CLNK: variants seen among roughly 807,000 people sequenced by gnomAD.
CLNK encodes cytokine dependent hematopoietic cell linker.
Under a neutral mutation model 68.6 loss-of-function variants are expected in CLNK, and 74 were observed. The ratio of observed to expected loss-of-function variants is 1.08; its 90% CI spans 0.89 to 1.31. CLNK has a LOEUF of 1.31. CLNK is among the 50% of genes most tolerant of loss of function. The pLI is 0.00. For synonymous variants in CLNK, 198 were observed against 172.2 expected (o/e 1.15, Z -1.17); for missense variants, 553 against 515.3 (o/e 1.07, Z -0.71).
At chr4:10,515,465 T>C (rs1264834893) in intron 15 of CLNK, among the ~76,000 whole-genome samples, 11 of 152,058 alleles carry the variant, frequency 7.2e-5, no homozygotes, top group Admixed American at 7.2e-4. Flanking sequence ...TTTTTTCAAC[T>C]TGAAAGAATA....
chr4:10,687,161 C>T (rs1264089609), upstream of CLNK, among the ~76,000 whole-genome samples: 2 of 151,186 alleles, frequency 1.3e-5, no homozygotes, highest in Admixed American at 6.6e-5. Context: ...CATCCTCTAC[C>T]TACTACTATC....
At chr4:10,586,394 C>A (rs973904160) in intron 3 of CLNK, among the ~76,000 whole-genome samples, 1 of 139,438 alleles carries the variant, frequency 7.2e-6, no homozygotes, top group Non-Finnish European at 1.5e-5. Flanking sequence ...TGCAGTGGTA[C>A]GATCTCTCCT....
chr4:10,691,738 T>C, the CLNK span, among the ~76,000 whole-genome samples: 2 of 152,196 alleles, frequency 1.3e-5, no homozygotes, highest in African/African-American at 4.8e-5. Context: ...GGTCTCCAAA[T>C]TGGCAGGACA....
At chr4:10,603,878 A>T (rs1721687473) in intron 2 of CLNK, among the ~76,000 whole-genome samples, 1 of 151,976 alleles carries the variant, frequency 6.6e-6, no homozygotes, top group African/African-American at 2.4e-5. Flanking sequence ...TTGGATTCTG[A>T]CTCTTTTATT....
chr4:10,543,291 C>T, intron 8 of CLNK, among the ~76,000 whole-genome samples: 1 of 152,172 alleles, frequency 6.6e-6, no homozygotes, highest in Non-Finnish European at 1.5e-5. Context: ...GTTTGATTAT[C>T]TCTAAAAATG....
the CLNK span, among the ~76,000 whole-genome samples, chr4:10,724,607 C>T: frequency 0.43 from 64,939 of 151,522 alleles, 14,733 homozygotes; most frequent in East Asian, 0.58. Context: ...TGTCCAAGGT[C>T]GTGTGAATAA....
intron 17 of CLNK, among the ~76,000 whole-genome samples, chr4:10,505,068 T>G (rs1427698352): frequency 6.6e-6 from 1 of 151,926 alleles, no homozygotes; most frequent in Non-Finnish European, 1.5e-5. Context: ...CTACTAAGAG[T>G]AGTTCTTCCG....
At chr4:10,621,753 T>A (rs562693445) in intron 2 of CLNK, among the ~76,000 whole-genome samples, 1 of 152,354 alleles carries the variant, frequency 6.6e-6, no homozygotes, top group Admixed American at 6.5e-5. Flanking sequence ...GTCTGGGGCC[T>A]GTGGCTTCTC....
At chr4:10,652,136 T>A (rs954430201) in intron 2 of CLNK, among the ~76,000 whole-genome samples, 3 of 152,018 alleles carry the variant, frequency 2.0e-5, no homozygotes, top group Admixed American at 1.3e-4. Flanking sequence ...ATCCCAGCAC[T>A]TTGGGAGGCC....
At chr4:10,598,606 A>G (rs1413806272) in intron 2 of CLNK, 4 of 406,654 alleles carry the variant, frequency 9.8e-6, no homozygotes, top group African/African-American at 6.2e-5. Context: ...CTCCCATATC[A>G]TTTAGGCACT....
intron 8 of CLNK, among the ~76,000 whole-genome samples, chr4:10,553,090 A>G (rs528487747): frequency 1.3e-5 from 2 of 152,308 alleles, no homozygotes; most frequent in South Asian, 4.2e-4. Flanking sequence ...TACGTTCACA[A>G]GCTGTCTGTA....
intron 17 of CLNK, among the ~76,000 whole-genome samples, chr4:10,507,407 G>A (rs1361560889): frequency 2.0e-5 from 3 of 151,628 alleles, no homozygotes; most frequent in Admixed American, 1.3e-4. Context: ...TGCCGCATCC[G>A]GTCCTCTCCA....
chr4:10,591,197 C>T (rs1174936736), intron 3 of CLNK, among the ~76,000 whole-genome samples: 1 of 152,108 alleles, frequency 6.6e-6, no homozygotes, highest in African/African-American at 2.4e-5. Context: ...AACTGTGTCT[C>T]ACAGAGGTAA....
the CLNK span, among the ~76,000 whole-genome samples, chr4:10,705,067 T>C: frequency 2.0e-5 from 3 of 152,136 alleles, no homozygotes; most frequent in African/African-American, 2.4e-5. Flanking sequence ...GTTTTGGAAG[T>C]AGGCAACAGT....
Position 10,513,517 on chromosome 4 carries a change from G to T in CLNK, c.853C>A (p.Pro285Thr). ...ASCSPHENIL[P>T]YKYTSWRPPF... ...GGTCTCCAGCTTGTGTATTTATAGGGCAGTATATTTTCGTGAGGGCTGCAG... is the reference window on the plus strand; with the variant it reads ...GGTCTCCAGCTTGTGTATTTATAGGTCAGTATATTTTCGTGAGGGCTGCAG... Residue 285 changes from proline (P) to threonine (T), a missense_variant, in exon 16 of 19, where the codon CCC becomes ACC. Coordinates refer to ENST00000226951, the MANE Select transcript of CLNK (RefSeq NM_052964.4). 6.2e-7 allele frequency: 1 copy of T among 1,611,886 alleles called. No individual in the cohort carries two copies. Among genetic ancestry groups the T allele is most frequent in the Non-Finnish European group, 8.5e-7 (1 of 1,179,018 alleles).
chr4:10,506,389 G>A (rs556283562), intron 17 of CLNK, among the ~76,000 whole-genome samples: 12 of 152,248 alleles, frequency 7.9e-5, no homozygotes, highest in African/African-American at 2.6e-4. Context: ...GGCAGCCTGG[G>A]TTTATCCACC....
chr4:10,702,989 A>T, the CLNK span, among the ~76,000 whole-genome samples: 1 of 152,210 alleles, frequency 6.6e-6, no homozygotes, highest in Non-Finnish European at 1.5e-5. Flanking sequence ...GAGGAACTCC[A>T]GTGGAAGTGT....
intron 4 of CLNK, among the ~76,000 whole-genome samples, chr4:10,583,550 G>T (rs1211719858): frequency 6.6e-6 from 1 of 152,178 alleles, no homozygotes; most frequent in Non-Finnish European, 1.5e-5. Context: ...CTCCCAAAGT[G>T]CTGGGACTAC....
At chr4:10,510,555 A>G (rs139945841) in intron 16 of CLNK, among the ~76,000 whole-genome samples, 243 of 152,328 alleles carry the variant, frequency 1.6e-3, no homozygotes, top group Middle Eastern at 3.4e-3. Flanking sequence ...ATTTAACCTG[A>G]AAGACTAGTT....
Sources: allele counts gnomAD v4.1 joint callset (sites outside exome capture counted in the v4.1 genomes callset), GRCh38; gene constraint gnomAD v4.1.1; transcripts MANE v1.5; gene names NCBI Gene and HGNC (gene_info 2026-07-23, HGNC 2026-07-21).